RASGEF1C: variants seen among roughly 807,000 people sequenced by gnomAD.
The protein encoded by RASGEF1C is RasGEF domain family member 1C, also known as ras-GEF domain-containing family member 1C.
RASGEF1C carries 27 observed loss-of-function variants against 58.1 expected under a neutral mutation model. The observed-to-expected ratio is 0.46, with a 90% confidence interval of 0.34 to 0.64. RASGEF1C has a LOEUF of 0.64. Ranked by LOEUF, RASGEF1C falls within the 30% of genes least tolerant of loss-of-function variation. The pLI is 0.01. For missense variants in RASGEF1C, 502 were observed against 605.1 expected (o/e 0.83, Z 1.79); for synonymous variants, 243 against 246.3 (o/e 0.99, Z 0.13).
At chr5:180,159,009 G>A (rs1320919562) in intron 1 of RASGEF1C, among the ~76,000 whole-genome samples, 1 of 151,512 alleles carries the variant, frequency 6.6e-6, no homozygotes, top group Non-Finnish European at 1.5e-5. Context: ...TATTTCTGCT[G>A]ATGTATTATT....
intron 7 of RASGEF1C, 107 bp downstream of exon 7, chr5:180,120,953 A>G: frequency 1.3e-6 from 1 of 774,508 alleles, no homozygotes; most frequent in Non-Finnish European, 2.3e-6. Flanking sequence ...GGACTTAGAA[A>G]TGAATAAGAC....
At chr5:180,162,021 G>C (rs1452842354) in intron 1 of RASGEF1C, among the ~76,000 whole-genome samples, 1 of 152,258 alleles carries the variant, frequency 6.6e-6, no homozygotes, top group African/African-American at 2.4e-5. Context: ...ATTCATCAGT[G>C]AGTGGATGGA....
intron 11 of RASGEF1C, among the ~76,000 whole-genome samples, chr5:180,112,917 A>G (rs867486093): frequency 0.042 from 1,524 of 36,028 alleles, 2 homozygotes; most frequent in Middle Eastern, 0.16. Context: ...GTGGATGGAC[A>G]GAGGGATCCG....
intron 1 of RASGEF1C, among the ~76,000 whole-genome samples, chr5:180,167,935 G>C (rs1024871820): frequency 2.0e-5 from 3 of 152,218 alleles, no homozygotes; most frequent in African/African-American, 7.2e-5. Flanking sequence ...GTGGTTCCAC[G>C]TAAGCTCTGT....
intron 1 of RASGEF1C, among the ~76,000 whole-genome samples, chr5:180,165,421 G>A (rs960160145): frequency 1.3e-5 from 2 of 151,966 alleles, no homozygotes; most frequent in Non-Finnish European, 2.9e-5. Context: ...TGTAATCCCA[G>A]CACTTTGGGA....
At chr5:180,118,223 T>C (rs983387163) in intron 10 of RASGEF1C, among the ~76,000 whole-genome samples, 3 of 151,782 alleles carry the variant, frequency 2.0e-5, no homozygotes, top group Non-Finnish European at 4.4e-5. Context: ...GGGCCCCAAG[T>C]GGGGAGGAGC....
chr5:180,143,706 G>A lies in RASGEF1C; in HGVS notation c.-6-5648C>T, dbSNP rs556111182. ...TATTTTTTTAAAAAGCCACTGATGGGGCCACACAGTGAGTTAAAGCACAGT... is the reference window on the plus strand; with the variant it reads ...TATTTTTTTAAAAAGCCACTGATGGAGCCACACAGTGAGTTAAAGCACAGT... On this transcript the variant is annotated intron_variant, in intron 1 of 13. Coordinates refer to ENST00000361132, the MANE Select transcript of RASGEF1C (RefSeq NM_175062.4). This position sits in a 1 kb window ranked among gnomAD's most constrained non-coding sequence, Gnocchi z 4.3. Among the ~76,000 whole-genome samples the A allele has an allele frequency of 6.6e-6, 1 of 152,264 alleles. No homozygotes were observed. Among genetic ancestry groups the A allele is most frequent in the South Asian group, 2.1e-4 (1 of 4,822 alleles).
At chr5:180,154,332 C>T (rs1315882921) in intron 1 of RASGEF1C, among the ~76,000 whole-genome samples, 1 of 152,162 alleles carries the variant, frequency 6.6e-6, no homozygotes, top group Non-Finnish European at 1.5e-5. Context: ...GTTTCCAAGG[C>T]TCCTGGGTGA....
intron 12 of RASGEF1C, among the ~76,000 whole-genome samples, chr5:180,105,160 A>T (rs1179570423): frequency 6.6e-6 from 1 of 152,170 alleles, no homozygotes; most frequent in Non-Finnish European, 1.5e-5. Flanking sequence ...CTTACTGTAG[A>T]TCTTAGTAAT....
intron 13 of RASGEF1C, 135 bp downstream of exon 13, chr5:180,101,936 A>G: frequency 3.0e-6 from 2 of 669,874 alleles, no homozygotes; most frequent in African/African-American, 3.6e-5. Flanking sequence ...GAGGCTGGTG[A>G]GCCGGGTATC....
At chr5:180,172,899 G>A (rs1003892353) in intron 1 of RASGEF1C, among the ~76,000 whole-genome samples, 2 of 152,282 alleles carry the variant, frequency 1.3e-5, no homozygotes, top group Admixed American at 1.3e-4. Flanking sequence ...CTTTGCCCAT[G>A]CTCTATCCTC....
Position 180,137,578 on chromosome 5 carries a change from C to T in RASGEF1C, c.300+12G>A, listed in dbSNP as rs1352309833. On this transcript the variant is annotated intron_variant, in intron 3 of 13. Transcript: ENST00000361132. This position sits in a 1 kb window ranked among gnomAD's most constrained non-coding sequence, Gnocchi z 4.1. The stretch of plus-strand genomic sequence containing the variant: ...TACACTCTGAGACCCCCTGGCCTGC[C>T]CTCCGCCTCACCTTGTCCAGCACCG... The T allele has an allele frequency of 6.2e-7, 1 of 1,607,992 alleles. No individual in the cohort carries two copies. The highest frequency in any genetic ancestry group is 8.5e-7 in the Non-Finnish European group (1 of 1,178,392).
At position 180,209,110 on chromosome 5, in the gene RASGEF1C, CCCGCCGCCGCCGCCG is replaced by C. The variant is rs768278930; in HGVS notation, c.-104_-90del. 0.099 allele frequency: 14,303 copies of C among 144,630 alleles called. 920 individuals are homozygous for C. The highest frequency in any genetic ancestry group is 0.2 in the East Asian group (968 of 4,776). The allele number at this position is 144,630 out of a possible 1,614,324, so 9.0% of individuals were successfully genotyped here. On this transcript the variant is annotated 5_prime_UTR_variant, in exon 1 of 14. Transcript: ENST00000361132. ...CTCGGCGCCGCGGACCGGGGCGCCG[CCCGCCGCCGCCGCCG>C]CCGCCGCCGCCGCCGCCGCCGCCGC...
chr5:180,121,059 C>T lies in RASGEF1C; in HGVS notation c.804+1G>A. The T allele has an allele frequency of 6.2e-7, 1 of 1,612,156 alleles. No individual in the cohort carries two copies. Among genetic ancestry groups the T allele is most frequent in the Non-Finnish European group, 8.5e-7 (1 of 1,178,176 alleles). The stretch of plus-strand genomic sequence containing the variant: ...GGTGCCCACCCTGGCTGTCTACTCA[C>T]CATGCAGATCTCAGTTGCCACCAGG... On this transcript the variant is annotated splice_donor_variant, in intron 7 of 13. Transcript: ENST00000361132. LOFTEE classifies it high-confidence loss of function.
chr5:180,145,943 A>G lies in RASGEF1C; in HGVS notation c.-6-7885T>C, dbSNP rs375769541. On this transcript the variant is annotated intron_variant, in intron 1 of 13. Coordinates refer to ENST00000361132, the MANE Select transcript of RASGEF1C (RefSeq NM_175062.4). ...TAGGAGTTTGTTAGATAGTCTGGATATCAATCCCTTATTAGCTATGTGATT... is the reference window on the plus strand; with the variant it reads ...TAGGAGTTTGTTAGATAGTCTGGATGTCAATCCCTTATTAGCTATGTGATT... Among the ~76,000 whole-genome samples the G allele has an allele frequency of 6.7e-3, 1,025 of 152,336 alleles. 9 individuals carry two copies. The highest frequency in any genetic ancestry group is 0.014 in the Middle Eastern group (4 of 294).
intron 6 of RASGEF1C, among the ~76,000 whole-genome samples, chr5:180,124,672 A>G (rs989126151): frequency 3.3e-5 from 5 of 152,018 alleles, no homozygotes; most frequent in Admixed American, 6.6e-5. Context: ...TAAAAATACA[A>G]AAATAGCTGA....
chr5:180,124,622 C>T (rs758854600), intron 6 of RASGEF1C, among the ~76,000 whole-genome samples: 11 of 151,734 alleles, frequency 7.2e-5, no homozygotes, highest in Admixed American at 5.9e-4. Flanking sequence ...GTCGGGAGTT[C>T]GGGAACAGCC....
At chr5:180,118,533 C>T in intron 10 of RASGEF1C, 76 bp downstream of exon 10, 1 of 1,318,844 alleles carries the variant, frequency 7.6e-7, no homozygotes. Context: ...GGGGCAGGAG[C>T]TGCAGCAAGT....
At position 180,111,568 on chromosome 5, in the gene RASGEF1C, G is replaced by A; in HGVS notation, c.1192C>T (p.Leu398=). The A allele has an allele frequency of 6.2e-7, 1 of 1,614,164 alleles. No individual in the cohort carries two copies. Among genetic ancestry groups the A allele is most frequent in the Non-Finnish European group, 8.5e-7 (1 of 1,179,990 alleles). Residue 398 remains leucine, a synonymous_variant, in exon 12 of 14, where the codon CTG becomes TTG. Transcript: ENST00000361132. ...GHVNFEKFLE[L]AKQVGEFITW... Reference sequence around the variant, plus strand: ...ATGAACTCCCCCACCTGCTTGGCCAGCTCCAGGAATTTCTGCCAGGGTCAC... The same window carrying A: ...ATGAACTCCCCCACCTGCTTGGCCAACTCCAGGAATTTCTGCCAGGGTCAC...
Sources: gnomAD v4.1 joint callset for allele counts (sites outside exome capture counted in the v4.1 genomes callset) on GRCh38, gnomAD v4.1.1 for gene constraint, Gnocchi (gnomAD v3.1) non-coding constraint, MANE v1.5 for transcripts, NCBI Gene and HGNC (gene_info 2026-07-23, HGNC 2026-07-21) for gene names.